CNTNAP2: variants seen among roughly 807,000 people sequenced by gnomAD.
CNTNAP2 encodes the protein contactin associated protein 2.
Under a neutral mutation model 155.2 loss-of-function variants are expected in CNTNAP2, and 98 were observed. The observed-to-expected ratio is 0.63, with a 90% CI of 0.54 to 0.75. The LOEUF (loss-of-function observed/expected upper bound fraction) is 0.75, where lower values mean the gene tolerates loss of function less well. CNTNAP2 is among the 30% of genes least tolerant of loss of function. The pLI, the probability that CNTNAP2 is intolerant of heterozygous loss-of-function variation, is 0.00. For synonymous variants in CNTNAP2, 651 were observed against 631.2 expected, an observed-to-expected ratio of 1.03 and a Z score of -0.47; for missense variants, 1,727 against 1,688.1, an observed-to-expected ratio of 1.02 and a Z score of -0.40.
At chr7:147,670,924 G>A (rs1795776774) in intron 13 of CNTNAP2, among the ~76,000 whole-genome samples, 2 of 152,226 alleles carry the variant, frequency 1.3e-5, no homozygotes, top group South Asian at 4.1e-4. Flanking sequence ...TCCACGGATG[G>A]CAGAGCTAAA....
intron 21 of CNTNAP2, among the ~76,000 whole-genome samples, chr7:148,369,504 C>T (rs1213629016): frequency 6.6e-6 from 1 of 151,830 alleles, no homozygotes; most frequent in African/African-American, 2.4e-5. Context: ...CTGGGATTAC[C>T]AACATAAGAC....
At chr7:147,811,284 C>T (rs999746873) in intron 13 of CNTNAP2, among the ~76,000 whole-genome samples, 3 of 152,026 alleles carry the variant, frequency 2.0e-5, no homozygotes, top group Non-Finnish European at 4.4e-5. Flanking sequence ...TTAGTGGAGA[C>T]GCAGAGTTTC....
At position 148,167,799 on chromosome 7, in the gene CNTNAP2, G is replaced by A. The variant is rs148811645; in HGVS notation, c.2774-4443G>A. 3.3e-5 allele frequency among the ~76,000 whole-genome samples: 5 copies of A among 152,292 alleles called. No individual in the cohort carries two copies. The East Asian group carries it at 9.6e-4, about 29-fold the overall frequency. On this transcript the variant is annotated intron_variant, in intron 17 of 23. Transcript: ENST00000361727. ...GAAGGAAAGATCCACAAACACAAGT[G>A]CAGGAAGAGAGATGGATCCATGTAG...
intron 1 of CNTNAP2, among the ~76,000 whole-genome samples, chr7:146,437,271 T>C (rs1584925146): frequency 6.6e-6 from 1 of 151,454 alleles, no homozygotes; most frequent in African/African-American, 2.5e-5. Flanking sequence ...AAAATTGTCT[T>C]CCATGAAATC....
intron 1 of CNTNAP2, among the ~76,000 whole-genome samples, chr7:146,464,514 A>C (rs1243980885): frequency 6.6e-6 from 1 of 152,170 alleles, no homozygotes; most frequent in East Asian, 1.9e-4. Context: ...AAAACCCATT[A>C]GAGGTGTAGA....
chr7:146,648,121 G>A (rs997913530), intron 1 of CNTNAP2, among the ~76,000 whole-genome samples: 1 of 152,114 alleles, frequency 6.6e-6, no homozygotes, highest in Non-Finnish European at 1.5e-5. Context: ...CTCATAAAAT[G>A]CTTTTGTATT....
At chr7:147,436,924 A>G (rs1437313365) in intron 10 of CNTNAP2, among the ~76,000 whole-genome samples, 1 of 152,194 alleles carries the variant, frequency 6.6e-6, no homozygotes, top group Non-Finnish European at 1.5e-5. Flanking sequence ...AGAAGCTTTA[A>G]AAAAAGGTTT....
intron 1 of CNTNAP2, among the ~76,000 whole-genome samples, chr7:146,413,805 A>T (rs1438467718): frequency 1.3e-5 from 2 of 152,202 alleles, no homozygotes; most frequent in African/African-American, 4.8e-5. Flanking sequence ...AGCCTTTAAA[A>T]GGAAAGCACT....
chr7:147,106,161 T>C (rs1216932372), intron 4 of CNTNAP2, among the ~76,000 whole-genome samples: 1 of 152,110 alleles, frequency 6.6e-6, no homozygotes, highest in Non-Finnish European at 1.5e-5. Context: ...AATTAAAATA[T>C]GCTAAAGGTG....
At chr7:147,639,861 G>A (rs1795244973) in intron 13 of CNTNAP2, among the ~76,000 whole-genome samples, 1 of 152,142 alleles carries the variant, frequency 6.6e-6, no homozygotes, top group African/African-American at 2.4e-5. Context: ...ACATACATGT[G>A]TGCAAGACTG....
At chr7:148,093,213 T>A (rs1185875894) in intron 15 of CNTNAP2, among the ~76,000 whole-genome samples, 4 of 152,092 alleles carry the variant, frequency 2.6e-5, no homozygotes, top group Non-Finnish European at 5.9e-5. Context: ...TAAATTTTTT[T>A]AAAAAGGAAA....
chr7:146,152,091 T>C (rs868800411), intron 1 of CNTNAP2, among the ~76,000 whole-genome samples: 1 of 152,044 alleles, frequency 6.6e-6, no homozygotes, highest in Admixed American at 6.6e-5. Flanking sequence ...TTATTCACTA[T>C]AGCCAAGATA....
intron 4 of CNTNAP2, among the ~76,000 whole-genome samples, chr7:147,060,153 A>T (rs1286002242): frequency 6.6e-6 from 1 of 151,358 alleles, no homozygotes; most frequent in African/African-American, 2.5e-5. Context: ...TAGTGGTGCC[A>T]TATTCTCAAA....
chr7:146,649,281 C>T (rs570877357), intron 1 of CNTNAP2, among the ~76,000 whole-genome samples: 14 of 152,090 alleles, frequency 9.2e-5, no homozygotes, highest in Admixed American at 7.2e-4. Flanking sequence ...ATAATAGAAC[C>T]AAGTTTTATT....
chr7:147,386,577 C>A (rs1313430699), intron 9 of CNTNAP2, among the ~76,000 whole-genome samples: 2 of 152,196 alleles, frequency 1.3e-5, no homozygotes, highest in Non-Finnish European at 2.9e-5. Flanking sequence ...GTCACCTTTG[C>A]TCCAGTTCCC....
intron 3 of CNTNAP2, among the ~76,000 whole-genome samples, chr7:146,991,139 GAA>G (rs1382891236): frequency 3.3e-5 from 5 of 151,888 alleles, no homozygotes; most frequent in Non-Finnish European, 7.4e-5. Context: ...CAGAAAAAAA[GAA>G]AAAATTAGAT....
At chr7:147,804,839 C>T (rs1292709936) in intron 13 of CNTNAP2, among the ~76,000 whole-genome samples, 1 of 152,176 alleles carries the variant, frequency 6.6e-6, no homozygotes, top group Non-Finnish European at 1.5e-5. Flanking sequence ...CAGGCATGAG[C>T]CACCCAGCCC....
At chr7:147,297,400 G>T (rs924687163) in intron 8 of CNTNAP2, among the ~76,000 whole-genome samples, 1 of 152,128 alleles carries the variant, frequency 6.6e-6, no homozygotes, top group Admixed American at 6.5e-5. Context: ...TAGTAAGTAT[G>T]CTAGTAAATG....
chr7:148,365,781 TGTATGCATGTATACATGC>T lies in CNTNAP2; in HGVS notation c.3476-17867_3476-17850del, dbSNP rs1563059246. ...ATGTGTATACGTGTATACATGTATG[TGTATGCATGTATACATGC>T]ATGTGTATGCATGTATACATGCATG... On this transcript the variant is annotated intron_variant, in intron 21 of 23. Coordinates refer to ENST00000361727, the MANE Select transcript of CNTNAP2 (RefSeq NM_014141.6). Among the ~76,000 whole-genome samples, 12 of 61,224 alleles carry T rather than the reference TGTATGCATGTATACATGC, an allele frequency of 2.0e-4. 4 individuals are homozygous for T. Among genetic ancestry groups the T allele is most frequent in the Admixed American group, 1.1e-3 (7 of 6,110 alleles). 40.2% of individuals were successfully genotyped at this position (61,224 alleles called of 152,430 possible). A position where few individuals can be genotyped will look rare whatever the true frequency, so the allele number is the denominator to read the frequency against.
Sources: allele counts gnomAD v4.1 joint callset (sites outside exome capture counted in the v4.1 genomes callset), GRCh38; gene constraint gnomAD v4.1.1; transcripts MANE v1.5; gene names NCBI Gene and HGNC (gene_info 2026-07-23, HGNC 2026-07-21).